Variants in INSYN2B observed in about 807,000 individuals in gnomAD.
INSYN2B encodes inhibitory synaptic factor family member 2B.
A neutral mutation model predicts 41.2 loss-of-function variants in INSYN2B; 16 were observed. That is an observed-to-expected ratio of 0.39 (90% CI 0.26 to 0.59). The LOEUF (loss-of-function observed/expected upper bound fraction) is 0.59, where lower values mean the gene tolerates loss of function less well. Ranked by LOEUF, INSYN2B falls within the 20% of genes least tolerant of loss-of-function variation. The pLI, the probability that INSYN2B is intolerant of heterozygous loss-of-function variation, is 0.57. For synonymous variants in INSYN2B, 245 were observed against 244.4 expected (o/e 1.00, Z -0.02); for missense variants, 608 against 646.4 (o/e 0.94, Z 0.64).
In INSYN2B at chr5:169,949,567, G is replaced by A. The variant is rs556877716; in HGVS notation, c.-919+30710C>T. Among the ~76,000 whole-genome samples the A allele has an allele frequency of 2.6e-5, 4 of 151,802 alleles. No homozygotes were observed. In the East Asian group the frequency reaches 5.8e-4, roughly 22 times the overall value. On this transcript the variant is annotated intron_variant, in intron 1 of 3. Transcript: ENST00000377365. ...TTTGGAGGCGTTGGTACCCAGAGGC[G>A]GGGGAGCACAGCAGCTTTTTAATGG...
chr5:169,965,573 C>G (rs1360187289), intron 1 of INSYN2B, among the ~76,000 whole-genome samples: 1 of 152,206 alleles, frequency 6.6e-6, no homozygotes, highest in East Asian at 1.9e-4. Context: ...ATATTAAGAT[C>G]ACCCAGGGAG....
At chr5:169,919,803 A>G (rs1241440668) in intron 1 of INSYN2B, among the ~76,000 whole-genome samples, 1 of 152,210 alleles carries the variant, frequency 6.6e-6, no homozygotes, top group Non-Finnish European at 1.5e-5. Flanking sequence ...GAGTATTTGC[A>G]TATTAATAGA....
chr5:169,966,297 C>T (rs1033044200), intron 1 of INSYN2B, among the ~76,000 whole-genome samples: 8 of 151,548 alleles, frequency 5.3e-5, no homozygotes, highest in Non-Finnish European at 1.0e-4. Flanking sequence ...TTTTGGGGGG[C>T]GGGGGTTGAG....
At chr5:169,918,536 G>A (rs1314339822) in intron 1 of INSYN2B, among the ~76,000 whole-genome samples, 1 of 152,210 alleles carries the variant, frequency 6.6e-6, no homozygotes, top group Non-Finnish European at 1.5e-5. Context: ...TGGTGAAATA[G>A]ACAAATCTTC....
At chr5:169,961,174 A>C (rs1581474752) in intron 1 of INSYN2B, among the ~76,000 whole-genome samples, 1 of 152,350 alleles carries the variant, frequency 6.6e-6, no homozygotes, top group East Asian at 1.9e-4. Context: ...CATTGGCCAT[A>C]GATGAGGGGG....
In INSYN2B at chr5:169,918,549, G is replaced by C. The variant is rs1480920437; in HGVS notation, c.-918-33733C>G. Among the ~76,000 whole-genome samples the C allele has an allele frequency of 2.4e-4, 36 of 152,222 alleles. 1 individual carries two copies. The highest frequency in any genetic ancestry group is 2.3e-3 in the Admixed American group (35 of 15,284). On this transcript the variant is annotated intron_variant, in intron 1 of 3. Transcript: ENST00000377365. ...TGTGGTGAAATAGACAAATCTTCTA[G>C]ACATGTCCTGAGGGGAAATAAATAA...
intron 1 of INSYN2B, among the ~76,000 whole-genome samples, chr5:169,961,629 T>C (rs1055677751): frequency 1.3e-5 from 2 of 152,072 alleles, no homozygotes; most frequent in African/African-American, 2.4e-5. Context: ...TAAATAAATA[T>C]CTAATTAAAA....
chr5:169,941,424 T>C (rs372274880), intron 1 of INSYN2B, among the ~76,000 whole-genome samples: 23 of 152,220 alleles, frequency 1.5e-4, no homozygotes, highest in African/African-American at 5.5e-4. Flanking sequence ...TAGAGAGGCT[T>C]CTGTCTGAAG....
chr5:169,967,881 G>A (rs1777361642), intron 1 of INSYN2B, among the ~76,000 whole-genome samples: 1 of 152,160 alleles, frequency 6.6e-6, no homozygotes, highest in South Asian at 2.1e-4. Flanking sequence ...TGTGGGAGGA[G>A]CGAGAGAAAG....
intron 1 of INSYN2B, among the ~76,000 whole-genome samples, chr5:169,901,468 G>C (rs1773920338): frequency 6.6e-6 from 1 of 152,022 alleles, no homozygotes; most frequent in Non-Finnish European, 1.5e-5. Flanking sequence ...TAGGAGAGAG[G>C]TATATTAACA....
At chr5:169,909,963 T>G (rs1285497835) in intron 1 of INSYN2B, among the ~76,000 whole-genome samples, 1 of 152,210 alleles carries the variant, frequency 6.6e-6, no homozygotes, top group African/African-American at 2.4e-5. Flanking sequence ...AAAATGCCAC[T>G]CAAATTCTGC....
At chr5:169,971,242 T>C (rs982697922) in intron 1 of INSYN2B, among the ~76,000 whole-genome samples, 1 of 150,604 alleles carries the variant, frequency 6.6e-6, no homozygotes, top group Non-Finnish European at 1.5e-5. Flanking sequence ...AATGAATCAA[T>C]GAAGTATCAT....
At chr5:169,952,124 G>T (rs1437856026) in intron 1 of INSYN2B, among the ~76,000 whole-genome samples, 1 of 152,178 alleles carries the variant, frequency 6.6e-6, no homozygotes, top group Non-Finnish European at 1.5e-5. Context: ...CTTTGCCCCT[G>T]AACTGTGACT....
intron 1 of INSYN2B, among the ~76,000 whole-genome samples, chr5:169,902,996 G>A (rs970020981): frequency 2.6e-5 from 4 of 152,094 alleles, no homozygotes; most frequent in Middle Eastern, 3.2e-3. Context: ...TACTCGGGAG[G>A]CTGAGGCAGG....
Position 169,905,956 on chromosome 5 carries a change from G to A in INSYN2B, c.-918-21140C>T, listed in dbSNP as rs181119603. On this transcript the variant is annotated intron_variant, in intron 1 of 3. Coordinates refer to ENST00000377365, the MANE Select transcript of INSYN2B (RefSeq NM_001129891.3). ...TGTATCTAAAATGTCTGTTGCCTTCGTTCAGAAAGCCTCTATTCTACTTTA... is the reference window on the plus strand; with the variant it reads ...TGTATCTAAAATGTCTGTTGCCTTCATTCAGAAAGCCTCTATTCTACTTTA... Among the ~76,000 whole-genome samples the A allele has an allele frequency of 2.1e-3, 326 of 152,264 alleles. 1 individual carries two copies. The highest frequency in any genetic ancestry group is 7.4e-3 in the African/African-American group (308 of 41,540).
intron 3 of INSYN2B, among the ~76,000 whole-genome samples, chr5:169,879,853 C>T (rs1433693831): frequency 2.0e-5 from 3 of 152,118 alleles, no homozygotes; most frequent in African/African-American, 7.2e-5. Context: ...CACCCCTTGC[C>T]CTTTTTACTT....
intron 1 of INSYN2B, among the ~76,000 whole-genome samples, chr5:169,931,285 TGAC>T (rs879701053): frequency 3.9e-5 from 6 of 152,204 alleles, no homozygotes; most frequent in Non-Finnish European, 8.8e-5. Flanking sequence ...GCCCAGTTGC[TGAC>T]AAAGCCATCA....
Position 169,940,979 on chromosome 5 carries a change from A to G in INSYN2B, c.-919+39298T>C, listed in dbSNP as rs376982181. On this transcript the variant is annotated intron_variant, in intron 1 of 3. Transcript: ENST00000377365. ...TGCCATGGCTGAGAGACCCTGTTCCATACTAATTCTTAGATAAACAGAGGT... is the reference window on the plus strand; with the variant it reads ...TGCCATGGCTGAGAGACCCTGTTCCGTACTAATTCTTAGATAAACAGAGGT... Among the ~76,000 whole-genome samples, 13 of 152,334 alleles carry G rather than the reference A, an allele frequency of 8.5e-5. No homozygotes were observed. In the East Asian group the frequency reaches 9.6e-4, roughly 11 times the overall value.
At chr5:169,961,715 C>T (rs1441786988) in intron 1 of INSYN2B, among the ~76,000 whole-genome samples, 3 of 152,042 alleles carry the variant, frequency 2.0e-5, no homozygotes, top group Admixed American at 6.6e-5. Context: ...CAGTGGCTCA[C>T]GCCCGTAATC....
Sources: gnomAD v4.1 joint callset for allele counts (sites outside exome capture counted in the v4.1 genomes callset) on GRCh38, gnomAD v4.1.1 for gene constraint, MANE v1.5 for transcripts, NCBI Gene and HGNC (gene_info 2026-07-23, HGNC 2026-07-21) for gene names.